Variants in HS6ST2 observed in about 807,000 individuals in gnomAD.
The protein encoded by HS6ST2 is heparan-sulfate 6-O-sulfotransferase 2.
Under a neutral mutation model 33.0 loss-of-function variants are expected in HS6ST2, and 17 were observed. That is an observed-to-expected ratio of 0.52 (90% confidence interval 0.35 to 0.77). The LOEUF (loss-of-function observed/expected upper bound fraction) is 0.77. HS6ST2 is among the 30% of genes least tolerant of loss of function. The pLI, the probability that HS6ST2 is intolerant of heterozygous loss-of-function variation, is 0.01. For synonymous variants in HS6ST2, 248 were observed against 237.1 expected, an observed-to-expected ratio of 1.05 and a Z score of -0.42; for missense variants, 519 against 551.7, an observed-to-expected ratio of 0.94 and a Z score of 0.59.
At chrX:132,782,155 A>C (rs1939562150) in intron 2 of HS6ST2, among the ~76,000 whole-genome samples, 1 of 112,230 alleles carries the variant, frequency 8.9e-6, no homozygotes, top group Non-Finnish European at 1.9e-5. Context: ...TTAATATGCT[A>C]TCTGAATCTC....
chrX:132,813,243 C>T lies in HS6ST2; in HGVS notation c.948-104749G>A, dbSNP rs191185615. 1.4e-3 allele frequency among the ~76,000 whole-genome samples: 160 copies of T among 111,776 alleles called. 1 individual carries two copies. The highest frequency in any genetic ancestry group is 4.9e-3 in the African/African-American group (150 of 30,793). The stretch of plus-strand genomic sequence containing the variant: ...CTAAATCCAAGGGACATTTTTCAGT[C>T]TATCTAACTTGGCCATTCTTTAGCG... On this transcript the variant is annotated intron_variant, in intron 2 of 4. Coordinates refer to ENST00000370833, the MANE Select transcript of HS6ST2 (RefSeq NM_001394073.1).
rs749709355 is a variant in HS6ST2 at position 132,696,439 on chromosome X, C to T, written c.980+12023G>A. Among the ~76,000 whole-genome samples, 12 of 111,727 alleles carry T rather than the reference C, an allele frequency of 1.1e-4. No homozygotes were observed. In the East Asian group the frequency reaches 3.4e-3, roughly 32 times the overall value. On this transcript the variant is annotated intron_variant, in intron 3 of 4. Coordinates refer to ENST00000370833, the MANE Select transcript of HS6ST2 (RefSeq NM_001394073.1). ...CAGAGAGCAGTGACCTGACCAAGGT[C>T]TCTCAGTAAATTTCATGACAGAGTT... is the stretch of plus-strand genomic sequence containing the variant.
intron 2 of HS6ST2, among the ~76,000 whole-genome samples, chrX:132,897,266 CG>C (rs1206578037): frequency 7.4e-5 from 7 of 94,890 alleles, no homozygotes; most frequent in African/African-American, 2.8e-4. Context: ...GTGCTGGGGG[CG>C]GGGGGAGCGG....
intron 2 of HS6ST2, among the ~76,000 whole-genome samples, chrX:132,837,530 G>A (rs1462675151): frequency 1.8e-5 from 2 of 111,767 alleles, no homozygotes; most frequent in Non-Finnish European, 3.8e-5. Context: ...GCTTCACTCT[G>A]ATTGAGTTCA....
chrX:132,880,644 ATACTT>A (rs1385388126), intron 2 of HS6ST2, among the ~76,000 whole-genome samples: 1 of 107,319 alleles, frequency 9.3e-6, no homozygotes, highest in African/African-American at 3.4e-5. Flanking sequence ...TTTTATTACT[ATACTT>A]TAAGTTCCAG....
At chrX:132,798,897 CT>C (rs1293728584) in intron 2 of HS6ST2, among the ~76,000 whole-genome samples, 5 of 111,984 alleles carry the variant, frequency 4.5e-5, no homozygotes, top group African/African-American at 1.3e-4. Flanking sequence ...CTTTTCTTCC[CT>C]AGCTGACTGT....
intron 2 of HS6ST2, among the ~76,000 whole-genome samples, chrX:132,942,727 C>T (rs1347062765): frequency 8.9e-6 from 1 of 112,030 alleles, no homozygotes; most frequent in East Asian, 2.8e-4. Flanking sequence ...CCTCCAAAGG[C>T]TGTGTCTACA....
chrX:132,901,145 T>C (rs2066422630), intron 2 of HS6ST2, among the ~76,000 whole-genome samples: 2 of 111,501 alleles, frequency 1.8e-5, no homozygotes, highest in Admixed American at 9.6e-5. Context: ...CCTCCCTCAA[T>C]CAAGCCTTCA....
chrX:132,796,105 T>C (rs1193130418), intron 2 of HS6ST2, among the ~76,000 whole-genome samples: 1 of 111,770 alleles, frequency 8.9e-6, no homozygotes. Flanking sequence ...TGACAGATAT[T>C]ATTTTAAAGA....
At chrX:132,895,646 C>T (rs1014559702) in intron 2 of HS6ST2, among the ~76,000 whole-genome samples, 1 of 111,528 alleles carries the variant, frequency 9.0e-6, no homozygotes, top group South Asian at 3.8e-4. Flanking sequence ...ATATCTATTA[C>T]TGTACTAGGT....
chrX:132,681,795 AACAAT>A (rs1305709533), intron 3 of HS6ST2, among the ~76,000 whole-genome samples: 1 of 111,736 alleles, frequency 8.9e-6, no homozygotes, highest in African/African-American at 3.3e-5. Flanking sequence ...CCAGCCACAA[AACAAT>A]CAACTTCTTA....
At position 132,794,676 on chromosome X, in the gene HS6ST2, C is replaced by T. The variant is rs527442182; in HGVS notation, c.948-86182G>A. 6.3e-5 allele frequency among the ~76,000 whole-genome samples: 7 copies of T among 110,703 alleles called. No homozygotes were observed. The East Asian group carries it at 1.1e-3, about 18-fold the overall frequency. On this transcript the variant is annotated intron_variant, in intron 2 of 4. Coordinates refer to ENST00000370833, the MANE Select transcript of HS6ST2 (RefSeq NM_001394073.1). ...CTGGGCTCAAGCAATCCACCCACCT[C>T]GGCCTCCCACAGTTCTGGGATTACA...
At chrX:132,657,916 G>A (rs1335322416) in intron 4 of HS6ST2, among the ~76,000 whole-genome samples, 2 of 108,777 alleles carry the variant, frequency 1.8e-5, no homozygotes, top group African/African-American at 6.7e-5. Context: ...CCATAGGCAC[G>A]TATTGGGGAA....
chrX:132,663,867 C>T (rs1016382958), intron 4 of HS6ST2, among the ~76,000 whole-genome samples: 1 of 112,074 alleles, frequency 8.9e-6, no homozygotes, highest in Non-Finnish European at 1.9e-5. Context: ...ACATGGGTCT[C>T]AATTAGAGGA....
At chrX:132,722,056 C>T (rs1390443501) in intron 2 of HS6ST2, among the ~76,000 whole-genome samples, 1 of 108,535 alleles carries the variant, frequency 9.2e-6, no homozygotes, top group Non-Finnish European at 1.9e-5. Flanking sequence ...GGCGTGTTGG[C>T]GGGCGCCTGT....
chrX:132,760,783 A>C, intron 2 of HS6ST2, among the ~76,000 whole-genome samples: 1 of 109,982 alleles, frequency 9.1e-6, no homozygotes, highest in Non-Finnish European at 1.9e-5. Context: ...CACATAACTC[A>C]CCCTTGTAGG....
At chrX:132,924,731 T>A (rs1269193576) in intron 2 of HS6ST2, among the ~76,000 whole-genome samples, 1 of 111,779 alleles carries the variant, frequency 8.9e-6, no homozygotes, top group African/African-American at 3.3e-5. Flanking sequence ...CTTACGTCCA[T>A]AATCCCAGGA....
chrX:132,644,653 C>G (rs557359260), intron 4 of HS6ST2, among the ~76,000 whole-genome samples: 1 of 111,445 alleles, frequency 9.0e-6, no homozygotes, highest in African/African-American at 3.3e-5. Context: ...CAGGGCCCAG[C>G]ACCTTATGGG....
At chrX:132,844,111 A>G (rs1176749875) in intron 2 of HS6ST2, among the ~76,000 whole-genome samples, 1 of 112,157 alleles carries the variant, frequency 8.9e-6, no homozygotes, top group Non-Finnish European at 1.9e-5. Context: ...GTTTATCAGA[A>G]TCCCTGTGAA....
Sources: gnomAD v4.1 joint callset for allele counts (sites outside exome capture counted in the v4.1 genomes callset) on GRCh38, gnomAD v4.1.1 for gene constraint, MANE v1.5 for transcripts, NCBI Gene and HGNC (gene_info 2026-07-23, HGNC 2026-07-21) for gene names.